The following CENPC variants were observed in gnomAD, a reference collection of about 807,000 sequenced individuals.
CENPC encodes centromere protein C, also known as CENP-C 1.
CENPC carries 63 observed loss-of-function variants against 112.1 expected under a neutral mutation model. That is an observed-to-expected ratio of 0.56 (90% CI 0.46 to 0.69). CENPC has a LOEUF of 0.69. Ranked by LOEUF, CENPC falls within the 30% of genes least tolerant of loss-of-function variation. The pLI is 0.00. For missense variants in CENPC, 1,000 were observed against 1,103.8 expected, an observed-to-expected ratio of 0.91 and a Z score of 1.33; for synonymous variants, 333 against 367.6, an observed-to-expected ratio of 0.91 and a Z score of 1.08.
intron 7 of CENPC, among the ~76,000 whole-genome samples, chr4:67,515,723 T>C (rs1726041331): frequency 6.6e-6 from 1 of 151,940 alleles, no homozygotes; most frequent in Admixed American, 6.6e-5. Context: ...GTTTGGGTAT[T>C]TCACATATAT....
intron 16 of CENPC, 113 bp from the exon 17 acceptor site, chr4:67,490,234 G>A (rs1725203993): frequency 2.9e-6 from 2 of 698,962 alleles, no homozygotes; most frequent in Non-Finnish European, 4.2e-6. Flanking sequence ...CTGCCTTAGA[G>A]AGTTGTTTCA....
intron 16 of CENPC, among the ~76,000 whole-genome samples, chr4:67,490,859 TATATATATATATATATATAGAA>T (rs1211342627): frequency 1.2e-3 from 24 of 20,200 alleles, no homozygotes; most frequent in African/African-American, 2.5e-3. Context: ...TATATATATA[TATATATATATATATATATAGAA>T]ATATATAGAA....
chr4:67,544,308 G>C (rs527264718), intron 1 of CENPC, 113 bp from the exon 2 acceptor site: 1 of 629,520 alleles, frequency 1.6e-6, no homozygotes, highest in African/African-American at 1.9e-5. Flanking sequence ...CATCTCCTAA[G>C]GGCTCAAAAC....
intron 5 of CENPC, among the ~76,000 whole-genome samples, chr4:67,529,074 T>C (rs1265410848): frequency 6.6e-6 from 1 of 152,212 alleles, no homozygotes; most frequent in Non-Finnish European, 1.5e-5. Flanking sequence ...ACTGAAGATT[T>C]CAAGCATCCT....
intron 2 of CENPC, among the ~76,000 whole-genome samples, chr4:67,543,207 T>C (rs988865965): frequency 3.3e-5 from 5 of 152,318 alleles, no homozygotes; most frequent in Admixed American, 2.6e-4. Flanking sequence ...CCAACTCATA[T>C]GGTCTTGTTT....
intron 17 of CENPC, among the ~76,000 whole-genome samples, chr4:67,480,711 T>C (rs879225954): frequency 3.3e-5 from 5 of 152,176 alleles, no homozygotes; most frequent in Admixed American, 6.5e-5. Context: ...ATCAGCTCAA[T>C]AGATGCAGAA....
At position 67,472,419 on chromosome 4, in the gene CENPC, C is replaced by T; in HGVS notation, c.*186G>A. ...GGACATCGCTACAAGCTATTATGTA[C>T]AGTCACTGAAAAATCAGAAAAAACA... On this transcript the variant is annotated 3_prime_UTR_variant, in exon 19 of 19. Coordinates refer to ENST00000273853, the MANE Select transcript of CENPC (RefSeq NM_001812.4). 1 of 665,220 alleles carries T rather than the reference C, an allele frequency of 1.5e-6. No homozygotes were observed. Among genetic ancestry groups the T allele is most frequent in the Non-Finnish European group, 2.1e-6 (1 of 476,418 alleles). 41.2% of individuals were successfully genotyped at this position (665,220 alleles called of 1,614,324 possible).
chr4:67,541,907 G>A (rs1222087583), intron 2 of CENPC, among the ~76,000 whole-genome samples: 2 of 151,664 alleles, frequency 1.3e-5, no homozygotes, highest in South Asian at 2.1e-4. Context: ...CTAAAACTCT[G>A]TCATGTGGAA....
intron 12 of CENPC, among the ~76,000 whole-genome samples, chr4:67,498,837 A>C (rs112129709): frequency 6.6e-6 from 1 of 152,354 alleles, no homozygotes; most frequent in Non-Finnish European, 1.5e-5. Flanking sequence ...AAACACAAAT[A>C]GTTTTAATGG....
chr4:67,513,199 C>A (rs1419200415), intron 8 of CENPC, among the ~76,000 whole-genome samples: 1 of 152,044 alleles, frequency 6.6e-6, no homozygotes. Flanking sequence ...CCTCCCAGAG[C>A]TACCAGAAAG....
At chr4:67,500,500 G>C (rs1348104432) in intron 12 of CENPC, among the ~76,000 whole-genome samples, 1 of 152,090 alleles carries the variant, frequency 6.6e-6, no homozygotes, top group East Asian at 1.9e-4. Context: ...AGGTTTCCTG[G>C]AGCAGTAATT....
chr4:67,480,656 A>G (rs1214620850), intron 17 of CENPC, among the ~76,000 whole-genome samples: 1 of 152,242 alleles, frequency 6.6e-6, no homozygotes, highest in Non-Finnish European at 1.5e-5. Flanking sequence ...AAGTCAATAA[A>G]TGTGAAATAC....
intron 5 of CENPC, among the ~76,000 whole-genome samples, chr4:67,524,367 GGAAGAGA>G (rs58348365): frequency 0.63 from 95,364 of 150,994 alleles, 30,310 homozygotes; most frequent in East Asian, 0.81. Context: ...TATTCAAACA[GGAAGAGA>G]GAAGAGAGGA....
At chr4:67,484,539 G>C (rs1176860920) in intron 17 of CENPC, among the ~76,000 whole-genome samples, 2 of 152,144 alleles carry the variant, frequency 1.3e-5, no homozygotes, top group African/African-American at 4.8e-5. Flanking sequence ...TCAGGCACAT[G>C]AACCCTATTG....
In CENPC at chr4:67,519,279, A is replaced by C. The variant is rs1306373546; in HGVS notation, c.555T>G (p.Thr185=). 2 of 1,606,736 alleles carry C rather than the reference A, an allele frequency of 1.2e-6. No homozygotes were observed. Among genetic ancestry groups the C allele is most frequent in the South Asian group, 1.1e-5 (1 of 89,972 alleles). The change falls in exon 6 of 19, where the codon ACT becomes ACG. Residue 185 remains threonine (T), a synonymous_variant. Transcript: ENST00000273853. ...PSSAQKRETY[T]FENSVNMLPS... ...GCAGCATATTTACTGAATTTTCAAAAGTGTAAGTCTCTCTCTTTTGGGCAC... is the reference window on the plus strand; with the variant it reads ...GCAGCATATTTACTGAATTTTCAAACGTGTAAGTCTCTCTCTTTTGGGCAC...
At position 67,491,527 on chromosome 4, in the gene CENPC, A is replaced by AGAGC. The variant is rs1433475806; in HGVS notation, c.2515+652_2515+653insGCTC. Among the ~76,000 whole-genome samples the AGAGC allele has an allele frequency of 2.2e-4, 28 of 126,446 alleles. 1 individual carries two copies. The highest frequency in any genetic ancestry group is 2.6e-4 in the Admixed American group (3 of 11,610). The allele number at this position is 126,446 out of a possible 152,430, so 83.0% of individuals were successfully genotyped here. The stretch of plus-strand genomic sequence containing the variant: ...GAGAGAGAGAGAGAGAGAGAGAGAG[A>AGAGC]GCCTGGTTGTTAAACAGTTGCGTAA... On this transcript the variant is annotated intron_variant, in intron 16 of 18. Transcript: ENST00000273853.
intron 9 of CENPC, among the ~76,000 whole-genome samples, chr4:67,509,784 C>T (rs991252097): frequency 2.0e-5 from 3 of 151,954 alleles, no homozygotes; most frequent in African/African-American, 7.3e-5. Context: ...TCTCCCCCTC[C>T]CTAGCCTTGT....
chr4:67,506,678 A>G lies in CENPC; in HGVS notation c.2051+110T>C, dbSNP rs879125536. 2.4e-4 allele frequency: 216 copies of G among 893,742 alleles called. 1 individual carries two copies. Among genetic ancestry groups the G allele is most frequent in the South Asian group, 1.7e-3 (62 of 37,168 alleles). The allele number at this position is 893,742 out of a possible 1,614,324, so 55.4% of individuals were successfully genotyped here. ...GCTGAGCCATAGAAACTATGAAACA[A>G]TAAGTGTTTTTAAGCTTTTAACAAA... On this transcript the variant is annotated intron_variant, in intron 11 of 18. Coordinates refer to ENST00000273853, the MANE Select transcript of CENPC (RefSeq NM_001812.4).
At chr4:67,539,614 G>A (rs1171850028) in intron 4 of CENPC, among the ~76,000 whole-genome samples, 1 of 152,134 alleles carries the variant, frequency 6.6e-6, no homozygotes, top group Non-Finnish European at 1.5e-5. Context: ...AGTGAAAAAT[G>A]TTTATTATAA....
Sources: allele counts gnomAD v4.1 joint callset (sites outside exome capture counted in the v4.1 genomes callset), GRCh38; gene constraint gnomAD v4.1.1; transcripts MANE v1.5; gene names NCBI Gene and HGNC (gene_info 2026-07-23, HGNC 2026-07-21).